SYNE1: variants seen among roughly 807,000 people sequenced by gnomAD.
SYNE1 encodes spectrin repeat containing nuclear envelope protein 1.
Under a neutral mutation model 1,111.0 loss-of-function variants are expected in SYNE1, and 616 were observed. The ratio of observed to expected loss-of-function variants is 0.55; its 90% CI spans 0.52 to 0.59. The LOEUF (loss-of-function observed/expected upper bound fraction) is 0.59, where lower values mean the gene tolerates loss of function less well. Ranked by LOEUF, SYNE1 falls within the 20% of genes least tolerant of loss-of-function variation. The pLI, the probability that SYNE1 is intolerant of heterozygous loss-of-function variation, is 0.00. For synonymous variants in SYNE1, 3,855 were observed against 3,825.8 expected, an observed-to-expected ratio of 1.01 and a Z score of -0.28; for missense variants, 10,006 against 10,417.0, an observed-to-expected ratio of 0.96 and a Z score of 1.72.
Position 152,180,303 on chromosome 6 carries a change from T to C in SYNE1, c.23302-9A>G. 3.1e-6 allele frequency: 5 copies of C among 1,613,820 alleles called. No individual in the cohort carries two copies. Among genetic ancestry groups the C allele is most frequent in the Non-Finnish European group, 4.2e-6 (5 of 1,179,932 alleles). On this transcript the variant is annotated splice_polypyrimidine_tract_variant and intron_variant, in intron 128 of 145. Transcript: ENST00000367255. The stretch of plus-strand genomic sequence containing the variant: ...TGCCGCCTTAAGGAGAGCTGAAAAG[T>C]TTAAAATGGGAGAATAGGCAAAATG...
chr6:152,606,578 G>T (rs775941876), intron 3 of SYNE1, among the ~76,000 whole-genome samples: 2 of 152,156 alleles, frequency 1.3e-5, no homozygotes, highest in Non-Finnish European at 2.9e-5. Context: ...GCACACAAAT[G>T]CAAAGAAGTG....
Position 152,416,334 on chromosome 6 carries a change from C to T in SYNE1, c.6050+53G>A. On this transcript the variant is annotated intron_variant, in intron 41 of 145. Coordinates refer to ENST00000367255, the MANE Select transcript of SYNE1 (RefSeq NM_182961.4). ...TAAAGTTTTGCATAAAAGTTAATTC[C>T]AGAACAAATACAAAAGAAAAGAGAC... 1.9e-6 allele frequency: 3 copies of T among 1,607,662 alleles called. No homozygotes were observed. In the South Asian group the frequency reaches 3.3e-5, roughly 18 times the overall value.
intron 15 of SYNE1, chr6:152,472,077 A>C: frequency 1.7e-6 from 1 of 603,708 alleles, no homozygotes; most frequent in East Asian, 2.8e-5. Flanking sequence ...TGAAGAAACC[A>C]TTTCTGTGAT....
intron 130 of SYNE1, among the ~76,000 whole-genome samples, chr6:152,174,552 G>A (rs1209125461): frequency 6.6e-6 from 1 of 152,146 alleles, no homozygotes; most frequent in Non-Finnish European, 1.5e-5. Context: ...ACTTTACAAA[G>A]AACTGAGAAA....
In SYNE1 at chr6:152,353,428, T is replaced by C. The variant is rs375949615; in HGVS notation, c.11088A>G (p.Gln3696=). The C allele has an allele frequency of 1.2e-5, 19 of 1,614,094 alleles. No homozygotes were observed. In the African/African-American group the frequency reaches 2.4e-4, roughly 20 times the overall value. ...YQALLLQVLE[Q]IKFLEEEIQS... is the part of the protein sequence containing the mutation. ...GAATCTCCTCCTCCAGGAATTTTAT[T>C]TGTTCCTATGAAAGAAAAGAGAAAA... The change falls in exon 69 of 146, where the codon CAA becomes CAG. Residue 3696 remains glutamine (Q), a synonymous_variant. Coordinates refer to ENST00000367255, the MANE Select transcript of SYNE1 (RefSeq NM_182961.4).
chr6:152,547,670 C>G (rs1050576687), intron 3 of SYNE1, among the ~76,000 whole-genome samples: 1 of 152,146 alleles, frequency 6.6e-6, no homozygotes, highest in African/African-American at 2.4e-5. Context: ...TAAGAAAACG[C>G]TTCAGGGTAA....
At chr6:152,255,962 G>A (rs1357198160) in intron 102 of SYNE1, among the ~76,000 whole-genome samples, 1 of 152,212 alleles carries the variant, frequency 6.6e-6, no homozygotes, top group African/African-American at 2.4e-5. Flanking sequence ...TGCCAGTCGT[G>A]GTGGCATGTG....
At chr6:152,583,858 G>T (rs1014203110) in intron 3 of SYNE1, among the ~76,000 whole-genome samples, 3 of 152,168 alleles carry the variant, frequency 2.0e-5, no homozygotes, top group African/African-American at 7.2e-5. Context: ...AAAAAAGCAG[G>T]GATGGACTGG....
At chr6:152,424,393 G>C (rs1362513501) in intron 39 of SYNE1, among the ~76,000 whole-genome samples, 1 of 152,162 alleles carries the variant, frequency 6.6e-6, no homozygotes, top group Non-Finnish European at 1.5e-5. Flanking sequence ...TTCCCTCTAA[G>C]GGATAGGCAA....
intron 102 of SYNE1, 50 bp from the exon 103 acceptor site, chr6:152,255,796 T>G: frequency 6.2e-7 from 1 of 1,608,548 alleles, no homozygotes. Flanking sequence ...GTTTTGAAAA[T>G]CCAGGAAAAA....
At chr6:152,150,945 C>T (rs1330039887) in intron 135 of SYNE1, among the ~76,000 whole-genome samples, 1 of 152,126 alleles carries the variant, frequency 6.6e-6, no homozygotes, top group Non-Finnish European at 1.5e-5. Context: ...GGAAGGGTGG[C>T]TCACACCTGT....
intron 55 of SYNE1, among the ~76,000 whole-genome samples, chr6:152,382,182 A>G (rs778995978): frequency 2.0e-5 from 3 of 152,228 alleles, no homozygotes; most frequent in Non-Finnish European, 2.9e-5. Context: ...TGGTGAAATA[A>G]TCATCCGATG....
intron 6 of SYNE1, among the ~76,000 whole-genome samples, chr6:152,518,781 G>A (rs1390777541): frequency 1.3e-5 from 2 of 151,998 alleles, no homozygotes; most frequent in Non-Finnish European, 2.9e-5. Flanking sequence ...AGAGGTATTA[G>A]TCTGAACTAA....
intron 72 of SYNE1, among the ~76,000 whole-genome samples, chr6:152,349,277 C>T (rs556024367): frequency 8.4e-4 from 128 of 152,308 alleles, no homozygotes; most frequent in Non-Finnish European, 1.5e-3. Context: ...TTAAATAGTG[C>T]TTTTAGCCTA....
intron 112 of SYNE1, among the ~76,000 whole-genome samples, chr6:152,233,536 G>T (rs952326975): frequency 2.6e-5 from 4 of 152,086 alleles, no homozygotes; most frequent in African/African-American, 9.7e-5. Context: ...TGTTGCCCAG[G>T]CTGGTCTTGA....
At chr6:152,369,686 T>C (rs1374903964) in intron 59 of SYNE1, 72 bp from the exon 60 acceptor site, 2 of 1,577,328 alleles carry the variant, frequency 1.3e-6, no homozygotes, top group African/African-American at 1.3e-5. Flanking sequence ...TCACTTGGCA[T>C]TCAAAGTCCA....
At position 152,371,900 on chromosome 6, in the gene SYNE1, A is replaced by AGGAC. The variant is rs1563461370; in HGVS notation, c.9507+1136_9507+1137insGTCC. On this transcript the variant is annotated intron_variant, in intron 59 of 145. Coordinates refer to ENST00000367255, the MANE Select transcript of SYNE1 (RefSeq NM_182961.4). ...AAGGAAAGGAAAGGAAAGGAAAGGA[A>AGGAC]AGGAAAGGAAAGGAAAGGAAAGGAC... Among the ~76,000 whole-genome samples, 203 of 90,276 alleles carry AGGAC rather than the reference A, an allele frequency of 2.2e-3. 9 individuals carry two copies. The highest frequency in any genetic ancestry group is 9.1e-3 in the African/African-American group (192 of 21,178). The allele number at this position is 90,276 out of a possible 152,430, so 59.2% of individuals were successfully genotyped here.
At chr6:152,368,030 C>A in intron 61 of SYNE1, 2 of 154,854 alleles carry the variant, frequency 1.3e-5, no homozygotes, top group Non-Finnish European at 2.9e-5. Context: ...TAAAAACATC[C>A]AAAATAACAA....
intron 126 of SYNE1, among the ~76,000 whole-genome samples, chr6:152,202,909 A>C (rs571912522): frequency 6.6e-6 from 1 of 152,340 alleles, no homozygotes; most frequent in African/African-American, 2.4e-5. Context: ...ATATATAAAA[A>C]CCCATGTAAA....
Sources: gnomAD v4.1 joint callset for allele counts (sites outside exome capture counted in the v4.1 genomes callset) on GRCh38, gnomAD v4.1.1 for gene constraint, MANE v1.5 for transcripts, NCBI Gene and HGNC (gene_info 2026-07-23, HGNC 2026-07-21) for gene names.